Variants in TTC7B observed in about 807,000 individuals in gnomAD.
TTC7B encodes tetratricopeptide repeat protein 7B.
TTC7B carries 28 observed loss-of-function variants against 106.8 expected under a neutral mutation model. The ratio of observed to expected loss-of-function variants is 0.26; its 90% CI spans 0.19 to 0.36. TTC7B has a LOEUF of 0.36. Ranked by LOEUF, TTC7B falls within the 10% of genes least tolerant of loss-of-function variation. The pLI, the probability that TTC7B is intolerant of heterozygous loss-of-function variation, is 1.00. For synonymous variants in TTC7B, 405 were observed against 430.6 expected, an observed-to-expected ratio of 0.94 and a Z score of 0.74; for missense variants, 862 against 1,076.4, an observed-to-expected ratio of 0.80 and a Z score of 2.79.
chr14:90,645,624 T>C (rs908056343), intron 14 of TTC7B, among the ~76,000 whole-genome samples: 12 of 152,198 alleles, frequency 7.9e-5, no homozygotes, highest in Admixed American at 7.2e-4. Flanking sequence ...ACTATGTGAA[T>C]AGCACTCAAC....
intron 7 of TTC7B, among the ~76,000 whole-genome samples, chr14:90,685,459 A>G (rs1416727004): frequency 6.6e-6 from 1 of 152,222 alleles, no homozygotes; most frequent in African/African-American, 2.4e-5. Context: ...AAAATTACAA[A>G]GCTAAAAACT....
rs1474181182 is a variant in TTC7B at position 90,660,411 on chromosome 14, A to G, written c.1153-2024T>C. Among the ~76,000 whole-genome samples the G allele has an allele frequency of 4.0e-5, 6 of 149,980 alleles. No individual in the cohort carries two copies. The East Asian group carries it at 9.7e-4, about 24-fold the overall frequency. On this transcript the variant is annotated intron_variant, in intron 9 of 19. Coordinates refer to ENST00000328459, the MANE Select transcript of TTC7B (RefSeq NM_001010854.2). ...ACCCTGTCTCAAAAAAAAAAAAAAA[A>G]AAAAAAAAAAGAAAAGAAAAGAAAA... is the stretch of plus-strand genomic sequence containing the variant.
intron 1 of TTC7B, among the ~76,000 whole-genome samples, chr14:90,804,175 A>T (rs1204262704): frequency 6.6e-6 from 1 of 152,088 alleles, no homozygotes; most frequent in Non-Finnish European, 1.5e-5. Context: ...CTCTACTAAA[A>T]ATACAAAAAA....
At chr14:90,781,893 G>A (rs377150549) in intron 2 of TTC7B, among the ~76,000 whole-genome samples, 6 of 152,178 alleles carry the variant, frequency 3.9e-5, no homozygotes, top group East Asian at 1.9e-4. Flanking sequence ...CCCGTCCTCC[G>A]GCACCTAGGG....
intron 18 of TTC7B, among the ~76,000 whole-genome samples, chr14:90,589,550 T>G (rs557794545): frequency 1.3e-5 from 2 of 152,356 alleles, no homozygotes; most frequent in Admixed American, 1.3e-4. Flanking sequence ...CAGACAGATT[T>G]TTTTCAGATA....
chr14:90,709,367 T>G (rs1021352937), intron 5 of TTC7B, among the ~76,000 whole-genome samples: 3 of 151,114 alleles, frequency 2.0e-5, no homozygotes, highest in African/African-American at 7.3e-5. Flanking sequence ...TAAAAAATGA[T>G]GAGTTCATGT....
At chr14:90,654,123 A>G (rs1885846832) in intron 12 of TTC7B, among the ~76,000 whole-genome samples, 1 of 152,208 alleles carries the variant, frequency 6.6e-6, no homozygotes, top group Non-Finnish European at 1.5e-5. Flanking sequence ...GAAAAAATGA[A>G]GTATTACAAA....
chr14:90,724,500 T>C (rs1889014078), intron 5 of TTC7B, among the ~76,000 whole-genome samples: 1 of 152,170 alleles, frequency 6.6e-6, no homozygotes, highest in Non-Finnish European at 1.5e-5. Flanking sequence ...ACCATCACCC[T>C]TGGTACTCCT....
At position 90,538,753 on chromosome 14, in the gene TTC7B, A is replaced by T. The variant is rs1889482151; in HGVS notation, c.*2615T>A. On this transcript the variant is annotated 3_prime_UTR_variant, in exon 20 of 20. Transcript: ENST00000328459. ...CAGGACTTTCCTGCATTTCTTAGGTACCTTTTAGGTAGAAGTGATGGAAAC... is the reference window on the plus strand; with the variant it reads ...CAGGACTTTCCTGCATTTCTTAGGTTCCTTTTAGGTAGAAGTGATGGAAAC... The T allele has an allele frequency of 6.6e-6, 1 of 152,180 alleles. No homozygotes were observed. 9.4% of individuals were successfully genotyped at this position (152,180 alleles called of 1,614,324 possible).
chr14:90,629,037 G>C (rs920518313), intron 15 of TTC7B, among the ~76,000 whole-genome samples: 1 of 152,222 alleles, frequency 6.6e-6, no homozygotes, highest in Non-Finnish European at 1.5e-5. Context: ...TCCGGCCTTG[G>C]CCCTCCTGAG....
chr14:90,725,643 C>T (rs1213765540), intron 5 of TTC7B, among the ~76,000 whole-genome samples: 4 of 152,210 alleles, frequency 2.6e-5, no homozygotes, highest in African/African-American at 9.7e-5. Flanking sequence ...TCTGAACCAT[C>T]CCTGCCTGAC....
At chr14:90,652,289 C>T (rs893734114) in intron 13 of TTC7B, among the ~76,000 whole-genome samples, 5 of 151,814 alleles carry the variant, frequency 3.3e-5, no homozygotes, top group African/African-American at 1.2e-4. Flanking sequence ...CACGCTGTGA[C>T]ACTCGAGCAT....
intron 3 of TTC7B, among the ~76,000 whole-genome samples, chr14:90,779,949 G>T (rs17127003): frequency 0.28 from 41,937 of 152,142 alleles, 9,613 homozygotes; most frequent in African/African-American, 0.63. Flanking sequence ...TAGCCTTAAT[G>T]AACCCAGAGG....
At chr14:90,758,868 C>T (rs1209094314) in intron 3 of TTC7B, among the ~76,000 whole-genome samples, 2 of 152,216 alleles carry the variant, frequency 1.3e-5, no homozygotes, top group Non-Finnish European at 2.9e-5. Flanking sequence ...ATTCCTGTCT[C>T]TAGCTCTGGA....
intron 16 of TTC7B, 56 bp downstream of exon 16, chr14:90,617,873 T>C (rs772139981): frequency 3.3e-5 from 46 of 1,384,072 alleles, no homozygotes; most frequent in Non-Finnish European, 4.6e-5. Context: ...GAGAAGGCAC[T>C]GATAGGCAGG....
At chr14:90,646,446 G>A (rs1885457959) in intron 14 of TTC7B, among the ~76,000 whole-genome samples, 2 of 152,158 alleles carry the variant, frequency 1.3e-5, no homozygotes, top group Admixed American at 1.3e-4. Context: ...TTTTCGAGTA[G>A]CCACGGTGTG....
intron 15 of TTC7B, among the ~76,000 whole-genome samples, chr14:90,639,192 C>T (rs1391553256): frequency 2.0e-5 from 3 of 152,090 alleles, no homozygotes; most frequent in African/African-American, 4.8e-5. Context: ...ATAAAGGAAA[C>T]GACTTCTACT....
chr14:90,794,818 G>A (rs561525116), intron 1 of TTC7B, among the ~76,000 whole-genome samples: 1 of 152,270 alleles, frequency 6.6e-6, no homozygotes, highest in Admixed American at 6.5e-5. Context: ...TCCCAATCAG[G>A]AGGGCAGAGA....
chr14:90,801,487 G>A (rs1173488690), intron 1 of TTC7B, among the ~76,000 whole-genome samples: 3 of 152,136 alleles, frequency 2.0e-5, no homozygotes, highest in African/African-American at 7.2e-5. Flanking sequence ...GGAAAGGAGA[G>A]GGTTGAAGAT....
Sources: gnomAD v4.1 joint callset for allele counts (sites outside exome capture counted in the v4.1 genomes callset) on GRCh38, gnomAD v4.1.1 for gene constraint, MANE v1.5 for transcripts, NCBI Gene and HGNC (gene_info 2026-07-23, HGNC 2026-07-21) for gene names.